LRRC31: variants seen among roughly 807,000 people sequenced by gnomAD.
LRRC31 encodes leucine rich repeat containing 31.
A neutral mutation model predicts 46.7 loss-of-function variants in LRRC31; 35 were observed. That is an observed-to-expected ratio of 0.75 (90% CI 0.57 to 0.99). The LOEUF (loss-of-function observed/expected upper bound fraction) is 0.99, where lower values mean the gene tolerates loss of function less well. Ranked by LOEUF, LRRC31 falls within the 50% of genes least tolerant of loss-of-function variation. The pLI, the probability that LRRC31 is intolerant of heterozygous loss-of-function variation, is 0.00. For synonymous variants in LRRC31, 236 were observed against 235.1 expected (o/e 1.00, Z -0.03); for missense variants, 613 against 626.1 (o/e 0.98, Z 0.22).
chr3:169,863,007 C>A (rs1218130675), intron 1 of LRRC31, among the ~76,000 whole-genome samples: 1 of 151,882 alleles, frequency 6.6e-6, no homozygotes, highest in South Asian at 2.1e-4. Context: ...CTCAGCCTCC[C>A]GAGTAGCTGG....
chr3:169,869,718 A>G lies in LRRC31; in HGVS notation c.90T>C (p.Ala30=). The change falls in exon 1 of 9, where the codon GCT becomes GCC. Residue 30 remains alanine (A), a synonymous_variant. Transcript: ENST00000316428. ...TVNKFLRGSN[A]ESRKEDNDLK... The stretch of plus-strand genomic sequence containing the variant: ...GGTCATTGTCCTCTTTTCTGCTTTC[A>G]GCATTGGAGCCCCTGAGAAATTTGT... 2 of 1,613,372 alleles carry G rather than the reference A, an allele frequency of 1.2e-6. No homozygotes were observed. Among genetic ancestry groups the G allele is most frequent in the Non-Finnish European group, 1.7e-6 (2 of 1,179,776 alleles).
intron 1 of LRRC31, among the ~76,000 whole-genome samples, chr3:169,864,409 A>T (rs894047875): frequency 1.3e-5 from 2 of 152,234 alleles, no homozygotes; most frequent in African/African-American, 4.8e-5. Context: ...GTGACTGACA[A>T]GTAAGCAGTA....
At chr3:169,841,033 G>A (rs12489230) in intron 8 of LRRC31, among the ~76,000 whole-genome samples, 41,924 of 152,090 alleles carry the variant, frequency 0.28, 6,280 homozygotes, top group East Asian at 0.62. Flanking sequence ...GAATCTCAGC[G>A]TTGCAAGGGA....
Position 169,860,686 on chromosome 3 carries a change from A to T in LRRC31, c.362T>A (p.Ile121Asn). The change falls in exon 3 of 9, where the codon ATC (isoleucine) becomes AAC (asparagine). Residue 121 changes from isoleucine to asparagine, a missense_variant. Ile to Asn is a moderately radical substitution (Grantham distance 149, BLOSUM62 -3). Transcript: ENST00000316428. ...PFLPDLEELD[I>N]SWNGFVGGTL... Reference sequence around the variant, plus strand: ...TCCACCTACAAAACCATTCCAGGAGATATCCAGTTCTTCCAAGTCTGGGAG... The same window carrying T: ...TCCACCTACAAAACCATTCCAGGAGTTATCCAGTTCTTCCAAGTCTGGGAG... 5.6e-6 allele frequency: 9 copies of T among 1,614,130 alleles called. No homozygotes were observed. Among genetic ancestry groups the T allele is most frequent in the Non-Finnish European group, 7.6e-6 (9 of 1,179,990 alleles).
chr3:169,839,959 T>A lies in LRRC31; in HGVS notation c.*23A>T. On this transcript the variant is annotated 3_prime_UTR_variant, in exon 9 of 9. Coordinates refer to ENST00000316428, the MANE Select transcript of LRRC31 (RefSeq NM_024727.4). Reference sequence around the variant, plus strand: ...TTTCCTTTGGAGAATGGTTTGTAGCTTAGTAGGACATGGGAAATCAGTTTA... The same window carrying A: ...TTTCCTTTGGAGAATGGTTTGTAGCATAGTAGGACATGGGAAATCAGTTTA... 6.4e-7 allele frequency: 1 copy of A among 1,567,136 alleles called. No individual in the cohort carries two copies. The highest frequency in any genetic ancestry group is 1.2e-5 in the South Asian group (1 of 84,956).
At position 169,869,834 on chromosome 3, in the gene LRRC31, A is replaced by G; in HGVS notation, c.-27T>C. ...GTGAAGTTGATGGGGGTAGTTCCCA[A>G]TAAGACATCTTCCTGTTGCTTTCTG... On this transcript the variant is annotated 5_prime_UTR_variant, in exon 1 of 9. Transcript: ENST00000316428. The G allele has an allele frequency of 6.4e-7, 1 of 1,571,870 alleles. No homozygotes were observed. Among genetic ancestry groups the G allele is most frequent in the Non-Finnish European group, 8.6e-7 (1 of 1,157,528 alleles).
In LRRC31 at chr3:169,839,194, T is replaced by A. The variant is rs1780375876; in HGVS notation, c.*788A>T. The A allele has an allele frequency of 6.6e-6, 1 of 152,268 alleles. No individual in the cohort carries two copies. The highest frequency in any genetic ancestry group is 6.5e-5 in the Admixed American group (1 of 15,290). 9.4% of individuals were successfully genotyped at this position (152,268 alleles called of 1,614,324 possible). A position where few individuals can be genotyped will look rare whatever the true frequency, so the allele number is the denominator to read the frequency against. ...AACTGTCATTAACGAATTAAATTAG[T>A]TTTATGAAGCAAATTCCATTTCAAA... On this transcript the variant is annotated 3_prime_UTR_variant, in exon 9 of 9. Transcript: ENST00000316428.
chr3:169,854,119 G>A (rs938546164), intron 6 of LRRC31, among the ~76,000 whole-genome samples: 3 of 152,220 alleles, frequency 2.0e-5, no homozygotes, highest in African/African-American at 7.2e-5. Flanking sequence ...AGGACAGGGA[G>A]ACCATTTGGG....
intron 1 of LRRC31, among the ~76,000 whole-genome samples, chr3:169,862,163 G>A (rs1475538485): frequency 6.6e-6 from 1 of 152,178 alleles, no homozygotes; most frequent in Non-Finnish European, 1.5e-5. Context: ...CATATCTTTG[G>A]TGGATGCAAC....
At chr3:169,867,920 C>T (rs948101657) in intron 1 of LRRC31, among the ~76,000 whole-genome samples, 1 of 151,946 alleles carries the variant, frequency 6.6e-6, no homozygotes, top group Non-Finnish European at 1.5e-5. Context: ...AGAAAGAAAG[C>T]CAAAGATACT....
chr3:169,845,004 T>G (rs953367352), intron 8 of LRRC31, among the ~76,000 whole-genome samples: 1 of 151,640 alleles, frequency 6.6e-6, no homozygotes, highest in Non-Finnish European at 1.5e-5. Flanking sequence ...TAGAAAATCC[T>G]ACAGGATCTA....
rs2108215559 is a variant in LRRC31 at position 169,856,435 on chromosome 3, T to C, written c.724A>G (p.Ser242Gly). The change falls in exon 5 of 9, where the codon AGT (serine) becomes GGT (glycine). Residue 242 changes from serine (S) to glycine (G), a missense_variant. By Grantham distance (56) the Ser-to-Gly change is moderately conservative (BLOSUM62 0). Coordinates refer to ENST00000316428, the MANE Select transcript of LRRC31 (RefSeq NM_024727.4). ...DLSINRDIVG[S>G]LNSIAQGLKS... ...AATCCCTGAGCAATACTGTTCAGAC[T>C]GCCAACAATGTCTCTGTTAATGGAA... 3 of 1,607,400 alleles carry C rather than the reference T, an allele frequency of 1.9e-6. No individual in the cohort carries two copies. The South Asian group carries it at 3.3e-5, about 18-fold the overall frequency.
chr3:169,864,001 A>T (rs1159110118), intron 1 of LRRC31, among the ~76,000 whole-genome samples: 2 of 148,618 alleles, frequency 1.3e-5, no homozygotes, highest in African/African-American at 2.5e-5. Context: ...TCCAAAGCCT[A>T]GTGTGTGTGT....
At chr3:169,863,933 T>A (rs1781248307) in intron 1 of LRRC31, among the ~76,000 whole-genome samples, 1 of 151,936 alleles carries the variant, frequency 6.6e-6, no homozygotes, top group Non-Finnish European at 1.5e-5. Flanking sequence ...TTTGGAAACT[T>A]AGAGACACGA....
Position 169,848,183 on chromosome 3 carries a change from T to C in LRRC31, c.1264A>G (p.Met422Val), listed in dbSNP as rs1385203168. ...CTCAGCCTCAGCACTTGAAGAGACATGGAAAGCTTTAGTGTTTCCAGAAGC... is the reference window on the plus strand; with the variant it reads ...CTCAGCCTCAGCACTTGAAGAGACACGGAAAGCTTTAGTGTTTCCAGAAGC... ...KLLLETLKLS[M>V]SLQVLRLSSC... Residue 422 changes from methionine (M) to valine (V), a missense_variant, in exon 8 of 9, where the codon ATG (methionine) becomes GTG (valine). Transcript: ENST00000316428. 6.2e-7 allele frequency: 1 copy of C among 1,614,212 alleles called. No homozygotes were observed. The highest frequency in any genetic ancestry group is 2.2e-5 in the East Asian group (1 of 44,886).
intron 1 of LRRC31, among the ~76,000 whole-genome samples, chr3:169,869,117 TC>T (rs1049074174): frequency 6.6e-6 from 1 of 151,856 alleles, no homozygotes; most frequent in African/African-American, 2.4e-5. Flanking sequence ...ACACCTGTAA[TC>T]CCAGCAGTTT....
intron 4 of LRRC31, 77 bp from the exon 5 acceptor site, chr3:169,856,580 C>A: frequency 7.6e-7 from 1 of 1,323,356 alleles, no homozygotes; most frequent in South Asian, 1.7e-5. Context: ...GATATCGTGA[C>A]GTAAAACTCC....
Position 169,869,285 on chromosome 3 carries a change from C to A in LRRC31, c.175+348G>T, listed in dbSNP as rs540269223. ...ACTCGGGAGGCTGAGGCAGGAGAATCGCTTGAACCCGGGAGGCAGAGGTTA... is the reference window on the plus strand; with the variant it reads ...ACTCGGGAGGCTGAGGCAGGAGAATAGCTTGAACCCGGGAGGCAGAGGTTA... On this transcript the variant is annotated intron_variant, in intron 1 of 8. Coordinates refer to ENST00000316428, the MANE Select transcript of LRRC31 (RefSeq NM_024727.4). Among the ~76,000 whole-genome samples the A allele has an allele frequency of 3.9e-5, 6 of 151,940 alleles. 1 individual carries two copies. The highest frequency in any genetic ancestry group is 1.4e-4 in the African/African-American group (6 of 41,498).
At chr3:169,857,371 A>T (rs71627302) in intron 3 of LRRC31, among the ~76,000 whole-genome samples, 4 of 96,234 alleles carry the variant, frequency 4.2e-5, no homozygotes, top group East Asian at 9.3e-4. Flanking sequence ...CACACACACA[A>T]GTATATATAT....
Sources: gnomAD v4.1 joint callset for allele counts (sites outside exome capture counted in the v4.1 genomes callset) on GRCh38, gnomAD v4.1.1 for gene constraint, MANE v1.5 for transcripts, NCBI Gene and HGNC (gene_info 2026-07-23, HGNC 2026-07-21) for gene names.